The following NKAIN2 variants were observed in gnomAD, a reference collection of about 807,000 sequenced individuals.
NKAIN2 encodes sodium/potassium transporting ATPase interacting 2, also known as sodium/potassium-transporting ATPase subunit beta-1-interacting protein 2.
NKAIN2 carries 14 observed loss-of-function variants against 32.6 expected under a neutral mutation model. The ratio of observed to expected loss-of-function variants is 0.43; its 90% CI spans 0.28 to 0.67. The LOEUF is 0.67. NKAIN2 is among the 30% of genes least tolerant of loss of function. The pLI is 0.17. For synonymous variants in NKAIN2, 80 were observed against 87.2 expected, an observed-to-expected ratio of 0.92 and a Z score of 0.46; for missense variants, 198 against 258.3, an observed-to-expected ratio of 0.77 and a Z score of 1.60.
chr6:124,639,306 C>T (rs1189468743), intron 3 of NKAIN2, among the ~76,000 whole-genome samples: 1 of 152,136 alleles, frequency 6.6e-6, no homozygotes, highest in Non-Finnish European at 1.5e-5. Context: ...AGTGGAGATA[C>T]AGAATCAACC....
At chr6:124,374,755 G>T (rs1799909573) in intron 3 of NKAIN2, among the ~76,000 whole-genome samples, 1 of 152,012 alleles carries the variant, frequency 6.6e-6, no homozygotes, top group South Asian at 2.1e-4. Context: ...TTTATACTGG[G>T]AAAATATAAC....
At chr6:124,273,594 T>A (rs548388286) in intron 1 of NKAIN2, among the ~76,000 whole-genome samples, 8 of 152,330 alleles carry the variant, frequency 5.3e-5, no homozygotes, top group African/African-American at 1.9e-4. Context: ...GACATGAATA[T>A]GTCTGATTCA....
chr6:124,581,445 C>CAAAA (rs57280967), intron 3 of NKAIN2, among the ~76,000 whole-genome samples: 17 of 81,414 alleles, frequency 2.1e-4, no homozygotes, highest in Middle Eastern at 7.4e-3. Flanking sequence ...GACTCCGTCT[C>CAAAA]AAAAAAAAAA....
intron 1 of NKAIN2, among the ~76,000 whole-genome samples, chr6:124,215,416 A>G (rs1158838033): frequency 1.3e-5 from 2 of 152,252 alleles, no homozygotes; most frequent in East Asian, 3.9e-4. Flanking sequence ...CTCCAATATG[A>G]TGGGCCCAAT....
At chr6:124,471,059 C>T (rs1232690525) in intron 3 of NKAIN2, among the ~76,000 whole-genome samples, 6 of 152,162 alleles carry the variant, frequency 3.9e-5, no homozygotes, top group Non-Finnish European at 5.9e-5. Context: ...CTTGCAACAA[C>T]AGCTGTATGC....
intron 1 of NKAIN2, among the ~76,000 whole-genome samples, chr6:123,922,098 A>G (rs1415851906): frequency 1.3e-5 from 2 of 152,202 alleles, no homozygotes; most frequent in Admixed American, 6.5e-5. Flanking sequence ...TTCCTTTTCT[A>G]AAAATCAGAA....
chr6:123,830,658 T>C (rs1015919298), intron 1 of NKAIN2, among the ~76,000 whole-genome samples: 11 of 152,226 alleles, frequency 7.2e-5, no homozygotes, highest in African/African-American at 2.7e-4. Context: ...AAACAACTTG[T>C]ATTTCTCTTT....
At chr6:124,077,398 T>C (rs532846552) in intron 1 of NKAIN2, among the ~76,000 whole-genome samples, 1 of 152,290 alleles carries the variant, frequency 6.6e-6, no homozygotes, top group African/African-American at 2.4e-5. Context: ...CTGAAACCAT[T>C]TGAGAGACTT....
intron 1 of NKAIN2, among the ~76,000 whole-genome samples, chr6:123,881,927 T>G (rs9372763): frequency 0.55 from 83,582 of 151,876 alleles, 23,354 homozygotes; most frequent in East Asian, 0.69. Flanking sequence ...AATATTATTA[T>G]TTTTAAATTT....
At chr6:124,688,664 C>G (rs1411890350) in intron 4 of NKAIN2, among the ~76,000 whole-genome samples, 1 of 152,086 alleles carries the variant, frequency 6.6e-6, no homozygotes, top group East Asian at 1.9e-4. Flanking sequence ...CCTCTAGCAA[C>G]TACTGTTCCT....
At chr6:124,490,394 C>A in intron 3 of NKAIN2, 1 of 431,874 alleles carries the variant, frequency 2.3e-6, no homozygotes, top group Non-Finnish European at 4.6e-6. Flanking sequence ...AGGAAACAGA[C>A]CGTATAGAAT....
At chr6:124,329,991 A>G (rs1287199105) in intron 2 of NKAIN2, among the ~76,000 whole-genome samples, 5 of 152,192 alleles carry the variant, frequency 3.3e-5, no homozygotes, top group Non-Finnish European at 5.9e-5. Context: ...CAAGGATGCA[A>G]GGGATCCAAT....
chr6:123,860,755 A>G (rs1775756224), intron 1 of NKAIN2, among the ~76,000 whole-genome samples: 2 of 152,110 alleles, frequency 1.3e-5, no homozygotes, highest in Admixed American at 6.5e-5. Flanking sequence ...AGCTTTTTAT[A>G]TATGAAAAAT....
At chr6:124,001,034 T>C (rs1335815177) in intron 1 of NKAIN2, among the ~76,000 whole-genome samples, 1 of 152,040 alleles carries the variant, frequency 6.6e-6, no homozygotes, top group African/African-American at 2.4e-5. Flanking sequence ...TATTAAAATA[T>C]TGAAATATCC....
intron 1 of NKAIN2, among the ~76,000 whole-genome samples, chr6:124,195,420 G>A (rs1380030349): frequency 2.0e-5 from 3 of 152,070 alleles, no homozygotes; most frequent in Non-Finnish European, 4.4e-5. Flanking sequence ...ACTATCCCCT[G>A]CTGTTCAGTC....
At chr6:124,224,373 C>T (rs1791998472) in intron 1 of NKAIN2, among the ~76,000 whole-genome samples, 1 of 152,084 alleles carries the variant, frequency 6.6e-6, no homozygotes, top group Non-Finnish European at 1.5e-5. Context: ...AAATGAATAA[C>T]ATATTGATTA....
At chr6:124,244,017 A>G (rs1342135417) in intron 1 of NKAIN2, among the ~76,000 whole-genome samples, 3 of 152,054 alleles carry the variant, frequency 2.0e-5, no homozygotes, top group Non-Finnish European at 4.4e-5. Context: ...TTCCTTGAGA[A>G]AAATCAACTA....
At chr6:124,215,843 T>G (rs544153322) in intron 1 of NKAIN2, among the ~76,000 whole-genome samples, 12 of 152,208 alleles carry the variant, frequency 7.9e-5, no homozygotes, top group African/African-American at 2.6e-4. Flanking sequence ...CCTGGCCGGA[T>G]GCAGTGGCTG....
At chr6:124,652,208 A>T (rs750663368) in intron 3 of NKAIN2, among the ~76,000 whole-genome samples, 3 of 152,154 alleles carry the variant, frequency 2.0e-5, no homozygotes, top group African/African-American at 7.2e-5. Flanking sequence ...ACTTTATATC[A>T]AGGATGGCCT....
Sources: gnomAD v4.1 joint callset for allele counts (sites outside exome capture counted in the v4.1 genomes callset) on GRCh38, gnomAD v4.1.1 for gene constraint, MANE v1.5 for transcripts, NCBI Gene and HGNC (gene_info 2026-07-23, HGNC 2026-07-21) for gene names.